BIRC6: variants seen among roughly 807,000 people sequenced by gnomAD.
The protein encoded by BIRC6 is dual E2 ubiquitin-conjugating enzyme/E3 ubiquitin-protein ligase BIRC6.
A neutral mutation model predicts 503.3 loss-of-function variants in BIRC6; 98 were observed. That is an observed-to-expected ratio of 0.19 (90% CI 0.17 to 0.23). BIRC6 has a LOEUF of 0.23. BIRC6 is among the 10% of genes least tolerant of loss of function. The pLI, the probability that BIRC6 is intolerant of heterozygous loss-of-function variation, is 1.00. For synonymous variants in BIRC6, 2,240 were observed against 2,078.7 expected (o/e 1.08, Z -2.11); for missense variants, 5,360 against 5,806.0 (o/e 0.92, Z 2.50).
At chr2:32,464,419 T>G in intron 24 of BIRC6, 90 bp from the exon 25 acceptor site, 2 of 1,362,118 alleles carry the variant, frequency 1.5e-6, no homozygotes, top group South Asian at 1.5e-5. Context: ...TTAATCATGT[T>G]TATCTTCATA....
chr2:32,521,365 CAAA>C (rs35410265), intron 57 of BIRC6, among the ~76,000 whole-genome samples: 2 of 21,506 alleles, frequency 9.3e-5, no homozygotes, highest in African/African-American at 1.6e-4. Flanking sequence ...GACCTCATCT[CAAA>C]AAAAAAAAAA....
chr2:32,489,183 A>G (rs1005841480), intron 42 of BIRC6, among the ~76,000 whole-genome samples: 34 of 152,272 alleles, frequency 2.2e-4, no homozygotes, highest in Non-Finnish European at 3.8e-4. Flanking sequence ...CAGGAAAAGA[A>G]TTAGCGTTCA....
chr2:32,489,404 T>G (rs1307262421), intron 42 of BIRC6, among the ~76,000 whole-genome samples: 1 of 152,134 alleles, frequency 6.6e-6, no homozygotes, highest in African/African-American at 2.4e-5. Flanking sequence ...CTTCTTTAAT[T>G]TATAGGTTTC....
At chr2:32,462,372 ATGT>A (rs1338833534) in intron 23 of BIRC6, among the ~76,000 whole-genome samples, 2 of 152,210 alleles carry the variant, frequency 1.3e-5, no homozygotes, top group South Asian at 2.1e-4. Flanking sequence ...ATTATTTATA[ATGT>A]TGTTTGAATA....
chr2:32,499,918 C>G lies in BIRC6; in HGVS notation c.8840C>G (p.Thr2947Ser). The G allele has an allele frequency of 6.2e-7, 1 of 1,613,940 alleles. No individual in the cohort carries two copies. ...GAATACAGTGCAAGAGTGTCTGTGACCACAAATACAACAGATAGTGTTTCA... is the reference window on the plus strand; with the variant it reads ...GAATACAGTGCAAGAGTGTCTGTGAGCACAAATACAACAGATAGTGTTTCA... ...NREYSARVSV[T>S]TNTTDSVSDE... The change falls in exon 46 of 74, where the codon ACC (threonine) becomes AGC (serine). Residue 2947 changes from threonine to serine, a missense_variant. Physicochemically the swap from Thr to Ser is moderately conservative, Grantham distance 58. Transcript: ENST00000421745.
intron 55 of BIRC6, 71 bp from the exon 56 acceptor site, chr2:32,518,183 T>C (rs2055267877): frequency 7.1e-7 from 1 of 1,410,198 alleles, no homozygotes; most frequent in African/African-American, 1.5e-5. Flanking sequence ...TTCTGTTTCC[T>C]TTTTATCTTT....
chr2:32,416,080 A>G lies in BIRC6; in HGVS notation c.2789A>G (p.Lys930Arg), dbSNP rs773889946. Residue 930 changes from lysine to arginine, a missense_variant, in exon 10 of 74, where the codon AAA becomes AGA. By Grantham distance (26) the Lys-to-Arg change is conservative. Coordinates refer to ENST00000421745, the MANE Select transcript of BIRC6 (RefSeq NM_016252.4). Reference protein sequence around the residue: ...FEILAKVEPPKKEGTEEQDTF... With the variant: ...FEILAKVEPPRKEGTEEQDTF... ...ATTTTGGCCAAAGTGGAGCCTCCCA[A>G]AAAGGAGGGCACTGAGGAACAGGAC... 1.2e-6 allele frequency: 2 copies of G among 1,613,958 alleles called. No individual in the cohort carries two copies. The highest frequency in any genetic ancestry group is 1.7e-6 in the Non-Finnish European group (2 of 1,179,876).
intron 65 of BIRC6, among the ~76,000 whole-genome samples, chr2:32,556,425 A>G (rs550150589): frequency 6.6e-6 from 1 of 152,236 alleles, no homozygotes; most frequent in African/African-American, 2.4e-5. Flanking sequence ...TCACGTACCT[A>G]ATCCTTATAT....
chr2:32,438,619 G>GCA, intron 15 of BIRC6, among the ~76,000 whole-genome samples: 3 of 149,430 alleles, frequency 2.0e-5, no homozygotes, highest in Non-Finnish European at 4.4e-5. Flanking sequence ...GAGTGCAGTG[G>GCA]TGCCATCTTG....
At chr2:32,390,960 A>T (rs1027848905) in intron 4 of BIRC6, among the ~76,000 whole-genome samples, 1 of 152,248 alleles carries the variant, frequency 6.6e-6, no homozygotes, top group Non-Finnish European at 1.5e-5. Flanking sequence ...TATCATTTTT[A>T]ATCAGATTAT....
chr2:32,377,269 T>G (rs2036943438), intron 1 of BIRC6, among the ~76,000 whole-genome samples: 1 of 151,542 alleles, frequency 6.6e-6, no homozygotes, highest in African/African-American at 2.4e-5. Context: ...CATATTTTAT[T>G]CTACTTGAGA....
rs1271906996 is a variant in BIRC6, at chr2:32,545,580, A to G, written c.12593-63A>G. The G allele has an allele frequency of 8.1e-6, 11 of 1,351,082 alleles. No homozygotes were observed. In the South Asian group the frequency reaches 9.4e-5, roughly 12 times the overall value. 83.7% of individuals were successfully genotyped at this position (1,351,082 alleles called of 1,614,324 possible). ...TGTCATTATTAATTTATGACCCTGT[A>G]TGTAACTTCTTATGTGTTTTTAACT... On this transcript the variant is annotated intron_variant, in intron 62 of 73. Coordinates refer to ENST00000421745, the MANE Select transcript of BIRC6 (RefSeq NM_016252.4).
intron 65 of BIRC6, among the ~76,000 whole-genome samples, chr2:32,553,481 G>A (rs1487685804): frequency 1.1e-4 from 17 of 151,764 alleles, no homozygotes; most frequent in Non-Finnish European, 2.2e-4. Context: ...TCCGCCTCTC[G>A]GGTTCAAGCA....
chr2:32,543,986 G>C (rs931421520), intron 62 of BIRC6, among the ~76,000 whole-genome samples: 2 of 152,192 alleles, frequency 1.3e-5, no homozygotes, highest in African/African-American at 4.8e-5. Context: ...TGGCATGGTA[G>C]TTTTTAGTGG....
At chr2:32,501,186 T>C (rs911981519) in intron 46 of BIRC6, among the ~76,000 whole-genome samples, 2 of 152,184 alleles carry the variant, frequency 1.3e-5, no homozygotes, top group Non-Finnish European at 2.9e-5. Flanking sequence ...CCTTTTCTAA[T>C]ATATTTTTGC....
intron 1 of BIRC6, among the ~76,000 whole-genome samples, chr2:32,361,797 T>C (rs909881589): frequency 2.0e-5 from 3 of 152,234 alleles, no homozygotes; most frequent in Non-Finnish European, 2.9e-5. Flanking sequence ...ATACCGTTTG[T>C]AGACTTTTCA....
At chr2:32,445,279 C>T (rs540865010) in intron 20 of BIRC6, among the ~76,000 whole-genome samples, 4 of 152,208 alleles carry the variant, frequency 2.6e-5, no homozygotes, top group African/African-American at 9.7e-5. Flanking sequence ...TTATAAAACT[C>T]TCCAGAAATA....
chr2:32,497,247 C>T (rs1239275962), intron 45 of BIRC6, among the ~76,000 whole-genome samples: 2 of 152,138 alleles, frequency 1.3e-5, no homozygotes, highest in Non-Finnish European at 2.9e-5. Flanking sequence ...TGAGTTCAAG[C>T]AGGCTTTCAG....
chr2:32,521,489 T>G (rs1558961941), intron 57 of BIRC6, among the ~76,000 whole-genome samples: 1 of 151,842 alleles, frequency 6.6e-6, no homozygotes, highest in Non-Finnish European at 1.5e-5. Context: ...TTTTTTGTTT[T>G]GAGACGGAGT....
Sources: gnomAD v4.1 joint callset for allele counts (sites outside exome capture counted in the v4.1 genomes callset) on GRCh38, gnomAD v4.1.1 for gene constraint, MANE v1.5 for transcripts, NCBI Gene and HGNC (gene_info 2026-07-23, HGNC 2026-07-21) for gene names.